ACKR2: variants seen among roughly 807,000 people sequenced by gnomAD.
ACKR2 encodes the protein atypical chemokine receptor 2, also known as C-C chemokine receptor D6.
For missense variants in ACKR2, 457 were observed against 477.3 expected (o/e 0.96, Z 0.40); for synonymous variants, 207 against 192.2 (o/e 1.08, Z -0.64).
At chr3:42,864,016 A>T (rs948336013) in intron 2 of ACKR2, among the ~76,000 whole-genome samples, 11 of 152,236 alleles carry the variant, frequency 7.2e-5, no homozygotes, top group Non-Finnish European at 1.5e-4. Flanking sequence ...AATAAACAAA[A>T]TTTTTTAAAA....
chr3:42,841,021 C>A (rs1199590184), intron 2 of ACKR2, among the ~76,000 whole-genome samples: 1 of 152,118 alleles, frequency 6.6e-6, no homozygotes, highest in Non-Finnish European at 1.5e-5. Context: ...GCCATGGCCC[C>A]CACCCCTACC....
At chr3:42,830,103 G>A (rs1700915772) in intron 2 of ACKR2, among the ~76,000 whole-genome samples, 1 of 152,064 alleles carries the variant, frequency 6.6e-6, no homozygotes, top group South Asian at 2.1e-4. Flanking sequence ...TTCTCTTCCT[G>A]AATGTTATGA....
At chr3:42,839,432 A>G (rs1305080313) in intron 2 of ACKR2, among the ~76,000 whole-genome samples, 1 of 152,162 alleles carries the variant, frequency 6.6e-6, no homozygotes, top group Non-Finnish European at 1.5e-5. Flanking sequence ...CTCAAATGCC[A>G]AGGCAATAGA....
chr3:42,843,034 C>CTATT (rs35357659), intron 2 of ACKR2, among the ~76,000 whole-genome samples: 37 of 139,404 alleles, frequency 2.7e-4, no homozygotes, highest in African/African-American at 2.7e-4. Flanking sequence ...TCATGTCTAG[C>CTATT]TATTTATTTA....
chr3:42,832,619 G>T (rs1188012978), intron 2 of ACKR2, among the ~76,000 whole-genome samples: 1 of 152,120 alleles, frequency 6.6e-6, no homozygotes, highest in African/African-American at 2.4e-5. Context: ...ACCGCATACG[G>T]AACGCACAGC....
At chr3:42,838,107 A>G (rs1306363073) in intron 2 of ACKR2, among the ~76,000 whole-genome samples, 1 of 152,214 alleles carries the variant, frequency 6.6e-6, no homozygotes, top group Non-Finnish European at 1.5e-5. Flanking sequence ...CATAAGAGAA[A>G]AAAAATCTTT....
At chr3:42,844,628 A>G (rs1271472917) in intron 2 of ACKR2, among the ~76,000 whole-genome samples, 1 of 152,192 alleles carries the variant, frequency 6.6e-6, no homozygotes. Context: ...AGGGCCACCA[A>G]TGGTGCCTGC....
At chr3:42,849,491 G>A (rs1014871602) in intron 2 of ACKR2, among the ~76,000 whole-genome samples, 2 of 151,692 alleles carry the variant, frequency 1.3e-5, no homozygotes, top group Admixed American at 6.6e-5. Context: ...GCAACAGAGT[G>A]AGACTCTGTC....
rs1488885862 is a variant in ACKR2, at chr3:42,864,818, G to A, written c.316G>A (p.Val106Met). 5.6e-6 allele frequency: 9 copies of A among 1,614,150 alleles called. No homozygotes were observed. The highest frequency in any genetic ancestry group is 5.5e-5 in the South Asian group (5 of 91,072). Residue 106 changes from valine (V) to methionine (M), a missense_variant, in exon 3 of 3, where the codon GTG becomes ATG. By Grantham distance (21) the Val-to-Met change is conservative. Coordinates refer to ENST00000422265, the MANE Select transcript of ACKR2 (RefSeq NM_001296.5). ...LVTLPFWGIS[V>M]AWHWVFGSFL... is the part of the protein sequence containing the mutation. ...GACACTGCCCTTCTGGGGCATCTCCGTGGCCTGGCATTGGGTCTTCGGGAG... is the reference window on the plus strand; with the variant it reads ...GACACTGCCCTTCTGGGGCATCTCCATGGCCTGGCATTGGGTCTTCGGGAG...
chr3:42,830,640 C>G (rs1052756243), intron 2 of ACKR2, among the ~76,000 whole-genome samples: 25 of 152,054 alleles, frequency 1.6e-4, no homozygotes, highest in Non-Finnish European at 3.5e-4. Context: ...AGTCCCCCTC[C>G]CTGCCTTTGT....
intron 2 of ACKR2, among the ~76,000 whole-genome samples, chr3:42,830,690 CT>C (rs71288037): frequency 2.2e-4 from 32 of 147,998 alleles, no homozygotes; most frequent in Admixed American, 2.0e-4. Context: ...TTTTTCTTTT[CT>C]TTTTTTTTTT....
intron 2 of ACKR2, among the ~76,000 whole-genome samples, chr3:42,862,542 A>T (rs1473218389): frequency 6.6e-6 from 1 of 152,192 alleles, no homozygotes; most frequent in African/African-American, 2.4e-5. Flanking sequence ...AAAAGAGCCC[A>T]TATAGCCAAG....
rs1268343298 is a variant in ACKR2 at position 42,865,527 on chromosome 3, C to T, written c.1025C>T (p.Ala342Val). Reference sequence around the variant, plus strand: ...CACCTGGCACCTGGCACTGCCCAGGCCTCATTATCCAGCTGTTCTGAGAGC... The same window carrying T: ...CACCTGGCACCTGGCACTGCCCAGGTCTCATTATCCAGCTGTTCTGAGAGC... Reference protein sequence around the residue: ...GWHLAPGTAQASLSSCSESSI... With the variant: ...GWHLAPGTAQVSLSSCSESSI... Residue 342 changes from alanine to valine, a missense_variant, in exon 3 of 3, where the codon GCC becomes GTC. Ala to Val is a moderately conservative substitution (Grantham distance 64, BLOSUM62 0). Coordinates refer to ENST00000422265, the MANE Select transcript of ACKR2 (RefSeq NM_001296.5). The T allele has an allele frequency of 1.2e-6, 2 of 1,614,036 alleles. No homozygotes were observed. The highest frequency in any genetic ancestry group is 1.7e-5 in the Admixed American group (1 of 60,010).
chr3:42,831,169 AAAAAT>A (rs1388662362), intron 2 of ACKR2, among the ~76,000 whole-genome samples: 1 of 152,182 alleles, frequency 6.6e-6, no homozygotes. Flanking sequence ...TTGAAAAACA[AAAAAT>A]AAAAGGTGAA....
At chr3:42,837,180 C>G (rs998578447) in intron 2 of ACKR2, among the ~76,000 whole-genome samples, 1 of 151,910 alleles carries the variant, frequency 6.6e-6, no homozygotes, top group Non-Finnish European at 1.5e-5. Context: ...AGGGGGGCCA[C>G]TGGTATTAAG....
intron 2 of ACKR2, among the ~76,000 whole-genome samples, chr3:42,862,745 A>T (rs566229948): frequency 2.0e-5 from 3 of 152,336 alleles, no homozygotes; most frequent in African/African-American, 7.2e-5. Context: ...ACCTGACAAA[A>T]ACAAGCAATG....
chr3:42,814,413 A>C (rs1700729083), intron 1 of ACKR2, among the ~76,000 whole-genome samples: 1 of 152,224 alleles, frequency 6.6e-6, no homozygotes, highest in Non-Finnish European at 1.5e-5. Context: ...CCCTCTTCAG[A>C]GAGCCTCTGT....
At chr3:42,856,008 T>G (rs1283164409) in intron 2 of ACKR2, 1 of 215,130 alleles carries the variant, frequency 4.6e-6, no homozygotes, top group African/African-American at 2.3e-5. Context: ...TAAGCCCTGA[T>G]AAGACCCGAG....
At chr3:42,841,817 G>C (rs1226360990) in intron 2 of ACKR2, 2 of 152,298 alleles carry the variant, frequency 1.3e-5, no homozygotes, top group Non-Finnish European at 2.9e-5. Context: ...GGGCTGGGTA[G>C]TCCAGGAACG....
Sources: gnomAD v4.1 joint callset for allele counts (sites outside exome capture counted in the v4.1 genomes callset) on GRCh38, gnomAD v4.1.1 for gene constraint, MANE v1.5 for transcripts, NCBI Gene and HGNC (gene_info 2026-07-23, HGNC 2026-07-21) for gene names.